ANKRD28: variants seen among roughly 807,000 people sequenced by gnomAD.
ANKRD28 encodes ankyrin repeat domain 28.
A neutral mutation model predicts 126.5 loss-of-function variants in ANKRD28; 44 were observed. The ratio of observed to expected loss-of-function variants is 0.35; its 90% CI spans 0.27 to 0.45. The LOEUF (loss-of-function observed/expected upper bound fraction) is 0.45. Among genes scored for constraint, ANKRD28 ranks in the 20% least tolerant of loss-of-function variants. The pLI, the probability that ANKRD28 is intolerant of heterozygous loss-of-function variation, is 1.00. For missense variants in ANKRD28, 1,110 were observed against 1,316.6 expected (o/e 0.84, Z 2.43); for synonymous variants, 442 against 468.5 (o/e 0.94, Z 0.73).
At position 15,676,978 on chromosome 3, in the gene ANKRD28, G is replaced by C; in HGVS notation, c.2869C>G (p.Gln957Glu). The C allele has an allele frequency of 1.2e-6, 2 of 1,612,142 alleles. No homozygotes were observed. Among genetic ancestry groups the C allele is most frequent in the Non-Finnish European group, 1.7e-6 (2 of 1,178,674 alleles). The change falls in exon 26 of 28, where the codon CAA (glutamine) becomes GAA (glutamate). Residue 957 changes from glutamine to glutamate, a missense_variant. Coordinates refer to ENST00000683139, the MANE Select transcript of ANKRD28 (RefSeq NM_001349278.2). ...NLINATNAAL[Q>E]TPLHVAARNG... ...CTAGATACTGACAGTACTCACGTTT[G>C]CAAGGCTGCGTTGGTTGCATTGATG... is the stretch of plus-strand genomic sequence containing the variant.
intron 1 of ANKRD28, among the ~76,000 whole-genome samples, chr3:15,858,071 G>A (rs2061813344): frequency 6.6e-6 from 1 of 152,194 alleles, no homozygotes; most frequent in African/African-American, 2.4e-5. Flanking sequence ...AGAACTATCT[G>A]AAATGAGATA....
chr3:15,792,425 A>G (rs2060074519), intron 2 of ANKRD28, among the ~76,000 whole-genome samples: 1 of 152,212 alleles, frequency 6.6e-6, no homozygotes, highest in Non-Finnish European at 1.5e-5. Flanking sequence ...CAACAGGGAT[A>G]GAATTGGAGA....
intron 4 of ANKRD28, among the ~76,000 whole-genome samples, chr3:15,742,535 G>A (rs1337034434): frequency 7.2e-6 from 1 of 139,558 alleles, no homozygotes; most frequent in African/African-American, 2.7e-5. Flanking sequence ...GAGCCCCTCC[G>A]CCCGGCAGCC....
intron 3 of ANKRD28, among the ~76,000 whole-genome samples, chr3:15,763,089 T>C (rs185242005): frequency 1.3e-4 from 20 of 152,370 alleles, no homozygotes; most frequent in Admixed American, 1.1e-3. Context: ...TCTAGTTCAA[T>C]AGAAATCTAG....
intron 14 of ANKRD28, among the ~76,000 whole-genome samples, chr3:15,700,544 G>T (rs565590197): frequency 4.7e-4 from 71 of 152,282 alleles, no homozygotes; most frequent in Non-Finnish European, 8.1e-4. Context: ...GAGAGGCTGA[G>T]GCGGGCAGAT....
At chr3:15,748,477 T>C (rs2057631640) in intron 4 of ANKRD28, among the ~76,000 whole-genome samples, 1 of 152,172 alleles carries the variant, frequency 6.6e-6, no homozygotes, top group African/African-American at 2.4e-5. Context: ...TACAAAATTT[T>C]TGGCAGATAA....
chr3:15,765,859 A>C (rs1024500830), intron 3 of ANKRD28, among the ~76,000 whole-genome samples: 1 of 151,536 alleles, frequency 6.6e-6, no homozygotes, highest in Non-Finnish European at 1.5e-5. Context: ...AAAAAAAAAA[A>C]AAAAACCAAC....
At chr3:15,822,550 C>T (rs2060967739) in intron 1 of ANKRD28, among the ~76,000 whole-genome samples, 1 of 152,014 alleles carries the variant, frequency 6.6e-6, no homozygotes, top group Admixed American at 6.6e-5. Flanking sequence ...CTGAGGCATG[C>T]AAATAAAGAT....
chr3:15,756,140 G>T (rs763085657), intron 3 of ANKRD28, among the ~76,000 whole-genome samples: 1 of 152,210 alleles, frequency 6.6e-6, no homozygotes, highest in Non-Finnish European at 1.5e-5. Flanking sequence ...AACGGCCAGA[G>T]CCTATCCTCA....
chr3:15,755,033 G>A lies in ANKRD28; in HGVS notation c.281-3213C>T, dbSNP rs561265848. 8.1e-4 allele frequency among the ~76,000 whole-genome samples: 123 copies of A among 152,140 alleles called. 2 individuals are homozygous for A. Among genetic ancestry groups the A allele is most frequent in the Non-Finnish European group, 2.6e-4 (18 of 68,030 alleles). On this transcript the variant is annotated intron_variant, in intron 3 of 27. Transcript: ENST00000683139. ...CTTCCAAGCTACTCGGGAGGCTGAG[G>A]CAGGACAATCACTTGAACCTGGGAG...
intron 2 of ANKRD28, among the ~76,000 whole-genome samples, chr3:15,790,264 AGAG>A (rs2059967321): frequency 6.6e-6 from 1 of 152,094 alleles, no homozygotes; most frequent in Non-Finnish European, 1.5e-5. Context: ...TCTAAAAAAT[AGAG>A]GAGGGAATAC....
At chr3:15,770,947 T>C (rs894932009) in intron 2 of ANKRD28, among the ~76,000 whole-genome samples, 2 of 152,220 alleles carry the variant, frequency 1.3e-5, no homozygotes, top group Non-Finnish European at 2.9e-5. Flanking sequence ...CATAAAGCAC[T>C]TAACACATCT....
Position 15,797,449 on chromosome 3 carries a change from G to C in ANKRD28, c.-928C>G, listed in dbSNP as rs571592325. The C allele has an allele frequency of 5.4e-4, 531 of 985,350 alleles. No individual in the cohort carries two copies. Among genetic ancestry groups the C allele is most frequent in the Non-Finnish European group, 6.3e-4 (521 of 829,968 alleles). The allele number at this position is 985,350 out of a possible 1,614,324, so 61.0% of individuals were successfully genotyped here. A position where few individuals can be genotyped will look rare whatever the true frequency, so the allele number is the denominator to read the frequency against. On this transcript the variant is annotated 5_prime_UTR_variant, in exon 1 of 28. Coordinates refer to ENST00000683139, the MANE Select transcript of ANKRD28 (RefSeq NM_001349278.2). ...TGGCTGCTCCAGCAAAAGGGCACAG[G>C]CACCAGGCAGAAATGGTGTTAGTGG...
rs190492486 is a variant in ANKRD28, at chr3:15,814,351, C to A, written c.28-19045G>T. 12 of 1,134,804 alleles carry A rather than the reference C, an allele frequency of 1.1e-5. No homozygotes were observed. Among genetic ancestry groups the A allele is most frequent in the Admixed American group, 2.9e-5 (1 of 34,604 alleles). The allele number at this position is 1,134,804 out of a possible 1,614,324, so 70.3% of individuals were successfully genotyped here. Reference sequence around the variant, plus strand: ...ATATCAAAAGAAAGAATACGCTGATCCTAGAAATTAAGGGCTATGTTATTT... The same window carrying A: ...ATATCAAAAGAAAGAATACGCTGATACTAGAAATTAAGGGCTATGTTATTT... On this transcript the variant is annotated intron_variant, in intron 1 of 27. Coordinates refer to the ANKRD28 transcript ENST00000399451. This position sits in a 1 kb window ranked among gnomAD's most constrained non-coding sequence, Gnocchi z 4.7.
In ANKRD28 at chr3:15,677,541, C is replaced by T. The variant is rs1197999290; in HGVS notation, c.2729G>A (p.Ser910Asn). The change falls in exon 25 of 28, where the codon AGT becomes AAT. Residue 910 changes from serine to asparagine, a missense_variant. Ser to Asn is a conservative substitution (Grantham distance 46). Transcript: ENST00000683139. ...NTVEMLVSSA[S>N]AELTLQDNSK... ...GTTATCTTGTAAAGTCAGTTCTGCA[C>T]TAGCACTGCTAACCAGCATCTCTGG... 11 of 1,612,492 alleles carry T rather than the reference C, an allele frequency of 6.8e-6. No homozygotes were observed. The East Asian group carries it at 2.0e-4, about 29-fold the overall frequency.
chr3:15,819,757 GATAC>G (rs1575765655), intron 1 of ANKRD28, among the ~76,000 whole-genome samples: 1 of 152,164 alleles, frequency 6.6e-6, no homozygotes, highest in East Asian at 1.9e-4. Flanking sequence ...GTGTGAAACA[GATAC>G]ATTTTACTCT....
At chr3:15,724,243 G>T in intron 7 of ANKRD28, 139 bp downstream of exon 7, 1 of 722,932 alleles carries the variant, frequency 1.4e-6, no homozygotes, top group Non-Finnish European at 2.1e-6. Flanking sequence ...TAGATATTAT[G>T]TAAAGGACTA....
chr3:15,821,098 C>T (rs570220626), intron 1 of ANKRD28, among the ~76,000 whole-genome samples: 1 of 152,250 alleles, frequency 6.6e-6, no homozygotes, highest in African/African-American at 2.4e-5. Context: ...CCACTAGATG[C>T]CAGTAGCATA....
chr3:15,832,808 C>A (rs943261419), intron 1 of ANKRD28, among the ~76,000 whole-genome samples: 1 of 152,190 alleles, frequency 6.6e-6, no homozygotes, highest in Non-Finnish European at 1.5e-5. Context: ...ATATACACCA[C>A]ATTTTCTTTA....
Sources: gnomAD v4.1 joint callset for allele counts (sites outside exome capture counted in the v4.1 genomes callset) on GRCh38, gnomAD v4.1.1 for gene constraint, Gnocchi (gnomAD v3.1) non-coding constraint, MANE v1.5 for transcripts, NCBI Gene and HGNC (gene_info 2026-07-23, HGNC 2026-07-21) for gene names.